Variants in SLIT1 observed in about 807,000 individuals in gnomAD.
SLIT1 encodes the protein slit homolog 1 protein.
A neutral mutation model predicts 186.1 loss-of-function variants in SLIT1; 66 were observed. That is an observed-to-expected ratio of 0.35 (90% CI 0.29 to 0.44). SLIT1 has a LOEUF of 0.44. SLIT1 is among the 20% of genes least tolerant of loss of function. SLIT1 has a pLI of 1.00. For synonymous variants in SLIT1, 761 were observed against 833.8 expected, an observed-to-expected ratio of 0.91 and a Z score of 1.50; for missense variants, 1,638 against 2,037.4, an observed-to-expected ratio of 0.80 and a Z score of 3.77.
At chr10:97,153,707 G>A (rs1169765567) in intron 4 of SLIT1, 1 of 152,258 alleles carries the variant, frequency 6.6e-6, no homozygotes, top group Non-Finnish European at 1.5e-5. Flanking sequence ...CGGAGTTGGG[G>A]CCTGAGACGC....
At chr10:97,126,889 C>G (rs1379609166) in intron 4 of SLIT1, among the ~76,000 whole-genome samples, 1 of 152,214 alleles carries the variant, frequency 6.6e-6, no homozygotes, top group Non-Finnish European at 1.5e-5. Context: ...TGACCCTCGC[C>G]TGGCACTTCC....
chr10:97,003,928 GC>G, intron 34 of SLIT1, 139 bp downstream of exon 34: 1 of 767,286 alleles, frequency 1.3e-6, no homozygotes, highest in Non-Finnish European at 2.1e-6. Flanking sequence ...AGGCAGCGAG[GC>G]CAGTCCACCT....
At chr10:97,055,915 G>T (rs1379575763) in intron 13 of SLIT1, among the ~76,000 whole-genome samples, 1 of 152,136 alleles carries the variant, frequency 6.6e-6, no homozygotes, top group African/African-American at 2.4e-5. Context: ...AGCTGTTAAC[G>T]TGGAAACAAC....
intron 13 of SLIT1, among the ~76,000 whole-genome samples, chr10:97,051,635 C>G (rs999833244): frequency 2.6e-5 from 4 of 151,990 alleles, no homozygotes; most frequent in Non-Finnish European, 5.9e-5. Flanking sequence ...GATGGTGAAA[C>G]CCCGTCTCTA....
chr10:97,167,319 T>C (rs556646319), intron 1 of SLIT1, among the ~76,000 whole-genome samples: 227 of 152,348 alleles, frequency 1.5e-3, no homozygotes, highest in African/African-American at 5.3e-3. Flanking sequence ...ACACTGAGAA[T>C]GTCATCATGA....
intron 4 of SLIT1, among the ~76,000 whole-genome samples, chr10:97,139,239 G>T (rs1358731998): frequency 6.6e-6 from 1 of 152,186 alleles, no homozygotes; most frequent in African/African-American, 2.4e-5. Flanking sequence ...GAAACTGGAA[G>T]TACTCAGGAG....
At chr10:97,039,848 G>T (rs866101075) in intron 21 of SLIT1, 140 bp downstream of exon 21, 1 of 906,520 alleles carries the variant, frequency 1.1e-6, no homozygotes, top group East Asian at 3.0e-5. Context: ...TGCAAAGCCC[G>T]AACTCCAGCT....
At position 97,064,246 on chromosome 10, in the gene SLIT1, G is replaced by A; in HGVS notation, c.558-7C>T. On this transcript the variant is annotated splice_region_variant and splice_polypyrimidine_tract_variant and intron_variant, in intron 6 of 36. Coordinates refer to ENST00000266058, the MANE Select transcript of SLIT1 (RefSeq NM_003061.3). ...ATTGTTGTTGTTCAGGGTCCTAAAT[G>A]GGAAAAACCAGAGTCATTTAGCACC... is the stretch of plus-strand genomic sequence containing the variant. The A allele has an allele frequency of 6.2e-7, 1 of 1,612,870 alleles. No homozygotes were observed. Among genetic ancestry groups the A allele is most frequent in the Non-Finnish European group, 8.5e-7 (1 of 1,179,288 alleles).
chr10:97,097,024 T>C (rs1849298362), intron 4 of SLIT1, among the ~76,000 whole-genome samples: 1 of 152,096 alleles, frequency 6.6e-6, no homozygotes, highest in Non-Finnish European at 1.5e-5. Context: ...TTCTCAGGGA[T>C]ACTAGGAAGG....
At chr10:97,084,781 A>G (rs757757594) in intron 4 of SLIT1, among the ~76,000 whole-genome samples, 8 of 151,000 alleles carry the variant, frequency 5.3e-5, no homozygotes, top group Non-Finnish European at 1.2e-4. Flanking sequence ...AATTTTTTGT[A>G]TTTTTAGTAG....
At chr10:97,132,454 C>T (rs1227997810) in intron 4 of SLIT1, among the ~76,000 whole-genome samples, 2 of 152,178 alleles carry the variant, frequency 1.3e-5, no homozygotes, top group Non-Finnish European at 2.9e-5. Context: ...CAGAACTGCC[C>T]CCATGCAACA....
chr10:97,055,597 T>C (rs1354739113), intron 13 of SLIT1, among the ~76,000 whole-genome samples: 2 of 152,318 alleles, frequency 1.3e-5, no homozygotes, highest in African/African-American at 4.8e-5. Context: ...ATTGAACTCC[T>C]GGGCTCAAGC....
Position 97,014,059 on chromosome 10 carries a change from AC to A in SLIT1, c.3068del (p.Gly1023ValfsTer29). 6.2e-7 allele frequency: 1 copy of A among 1,613,640 alleles called. No homozygotes were observed. The highest frequency in any genetic ancestry group is 8.5e-7 in the Non-Finnish European group (1 of 1,179,972). On this transcript the variant is annotated frameshift_variant, in exon 29 of 37. Transcript: ENST00000266058. LOFTEE classifies it high-confidence loss of function. ...ACANGGVCVD[G>X]VGNYTCQCPL... is the part of the protein sequence containing the mutation. ...GGCACTGGCAGGTGTAGTTGCCCAC[AC>A]CATCCACACAGACGCCCCCATTGGC...
chr10:97,013,979 T>C (rs773348379), intron 29 of SLIT1, 40 bp downstream of exon 29: 1 of 1,605,384 alleles, frequency 6.2e-7, no homozygotes, highest in Non-Finnish European at 8.5e-7. Context: ...CTGTCTCTGT[T>C]CCCCACCTCC....
At chr10:97,052,089 GGT>G (rs1491186142) in intron 13 of SLIT1, among the ~76,000 whole-genome samples, 1 of 122,846 alleles carries the variant, frequency 8.1e-6, no homozygotes, top group African/African-American at 3.4e-5. Context: ...TGTATGATTC[GGT>G]TTTTTTTTGT....
intron 12 of SLIT1, 34 bp downstream of exon 12, chr10:97,057,176 G>A: frequency 6.3e-7 from 1 of 1,584,354 alleles, no homozygotes; most frequent in Non-Finnish European, 8.7e-7. Context: ...CCCTTCCCTG[G>A]GTCCCACCCA....
At chr10:97,179,970 A>G (rs1310967525) in intron 1 of SLIT1, among the ~76,000 whole-genome samples, 2 of 152,068 alleles carry the variant, frequency 1.3e-5, no homozygotes, top group African/African-American at 4.8e-5. Flanking sequence ...GGAGGCGGCA[A>G]CTCCGCCAAG....
intron 4 of SLIT1, among the ~76,000 whole-genome samples, chr10:97,128,296 T>G (rs530390328): frequency 6.6e-6 from 1 of 152,110 alleles, no homozygotes; most frequent in Non-Finnish European, 1.5e-5. Flanking sequence ...ACACAAACCT[T>G]TTGAACAAAT....
Position 97,060,758 on chromosome 10 carries a change from A to G in SLIT1, c.823T>C (p.Cys275Arg). Residue 275 changes from cysteine (C) to arginine (R), a missense_variant, in exon 9 of 37, where the codon TGC becomes CGC. This residue lies in a region of SLIT1 where 1,245 missense variants were observed against 1,535.3 expected (regional missense o/e 0.81). Transcript: ENST00000266058. ...GQGEAGRVPT[C>R]TLSSGSCPAM... The stretch of plus-strand genomic sequence containing the variant: ...GGGCAGGAGCCGGAGGACAGGGTGC[A>G]GGTGGGCACGCGCCCCGCTTCTCCC... 2.5e-6 allele frequency: 4 copies of G among 1,611,924 alleles called. No individual in the cohort carries two copies. Among genetic ancestry groups the G allele is most frequent in the Non-Finnish European group, 3.4e-6 (4 of 1,179,202 alleles).
Sources: gnomAD v4.1 joint callset for allele counts (sites outside exome capture counted in the v4.1 genomes callset) on GRCh38, gnomAD v4.1.1 for gene constraint, gnomAD v4.1.1 regional missense constraint, MANE v1.5 for transcripts, NCBI Gene and HGNC (gene_info 2026-07-23, HGNC 2026-07-21) for gene names.